Variants in DMXL1 observed in about 807,000 individuals in gnomAD.
The protein encoded by DMXL1 is dmX-like protein 1.
A neutral mutation model predicts 319.2 loss-of-function variants in DMXL1; 99 were observed. The ratio of observed to expected loss-of-function variants is 0.31; its 90% CI spans 0.26 to 0.37. The LOEUF is 0.37. DMXL1 is among the 10% of genes least tolerant of loss of function. The pLI is 1.00. For synonymous variants in DMXL1, 1,385 were observed against 1,235.2 expected (o/e 1.12, Z -2.54); for missense variants, 3,745 against 3,595.6 (o/e 1.04, Z -1.06).
chr5:119,129,240 C>T lies in DMXL1; in HGVS notation c.1132C>T (p.Leu378=), dbSNP rs1242967074. 1.2e-6 allele frequency: 2 copies of T among 1,612,664 alleles called. No homozygotes were observed. The highest frequency in any genetic ancestry group is 1.7e-5 in the Admixed American group (1 of 59,948). ...TCCACTTCTTCCATCTATTACATCTCTGAGTCTAAATGAAAATGAAGAGAA... is the reference window on the plus strand; with the variant it reads ...TCCACTTCTTCCATCTATTACATCTTTGAGTCTAAATGAAAATGAAGAGAA... ...DIPLLPSITS[L]SLNENEEKTG... Residue 378 remains leucine (L), a synonymous_variant, in exon 10 of 44, where the codon CTG becomes TTG. Coordinates refer to ENST00000539542, the MANE Select transcript of DMXL1 (RefSeq NM_001290321.3).
intron 19 of DMXL1, among the ~76,000 whole-genome samples, chr5:119,154,234 T>G (rs1770497300): frequency 6.6e-6 from 1 of 152,170 alleles, no homozygotes; most frequent in Non-Finnish European, 1.5e-5. Context: ...ATCTCTCCCT[T>G]TAAATCAAAA....
At chr5:119,091,234 T>A (rs979289440) in intron 1 of DMXL1, among the ~76,000 whole-genome samples, 1 of 152,054 alleles carries the variant, frequency 6.6e-6, no homozygotes, top group African/African-American at 2.4e-5. Flanking sequence ...TTTGACAGTG[T>A]CTTGCTCTGT....
intron 9 of DMXL1, among the ~76,000 whole-genome samples, chr5:119,127,589 C>G (rs745413932): frequency 6.6e-6 from 1 of 152,142 alleles, no homozygotes; most frequent in South Asian, 2.1e-4. Flanking sequence ...CAGGCACATG[C>G]CACCATGCCT....
chr5:119,173,119 A>C (rs1046531159), intron 25 of DMXL1, among the ~76,000 whole-genome samples: 7 of 152,210 alleles, frequency 4.6e-5, no homozygotes, highest in Admixed American at 2.0e-4. Flanking sequence ...CAGGCAGATC[A>C]CCTGAGGCCA....
In DMXL1 at chr5:119,247,106, G is replaced by T. The variant is rs1194527100; in HGVS notation, c.9034G>T (p.Ala3012Ser). 7 of 1,614,024 alleles carry T rather than the reference G, an allele frequency of 4.3e-6. No individual in the cohort carries two copies. The highest frequency in any genetic ancestry group is 5.9e-6 in the Non-Finnish European group (7 of 1,179,932). The change falls in exon 44 of 44, where the codon GCA (alanine) becomes TCA (serine). Residue 3012 changes from alanine to serine, a missense_variant. Ala to Ser is a moderately conservative substitution (Grantham distance 99, BLOSUM62 1). Coordinates refer to ENST00000539542, the MANE Select transcript of DMXL1 (RefSeq NM_001290321.3). ...TGVMQIETGP[A>S]NHIFSCGADG... Reference sequence around the variant, plus strand: ...AGTGATGCAAATTGAGACAGGGCCTGCAAATCACATTTTCTCCTGTGGAGC... The same window carrying T: ...AGTGATGCAAATTGAGACAGGGCCTTCAAATCACATTTTCTCCTGTGGAGC...
chr5:119,136,616 T>G (rs983022560), intron 13 of DMXL1, among the ~76,000 whole-genome samples: 1 of 152,236 alleles, frequency 6.6e-6, no homozygotes, highest in African/African-American at 2.4e-5. Flanking sequence ...GCCCAGCTGC[T>G]CTGTGCAGCC....
In DMXL1 at chr5:119,208,629, T is replaced by C. The variant is rs574047449; in HGVS notation, c.7926+1733T>C. Among the ~76,000 whole-genome samples, 40 of 152,302 alleles carry C rather than the reference T, an allele frequency of 2.6e-4. 1 individual carries two copies. In the South Asian group the frequency reaches 8.1e-3, roughly 31 times the overall value. ...CATGCTACGTCAAAATACAGTCTTT[T>C]TGAGGGGAGGGTTAACATCATTTTG... On this transcript the variant is annotated intron_variant, in intron 34 of 43. Transcript: ENST00000539542.
Position 119,150,002 on chromosome 5 carries a change from C to T in DMXL1, c.4175C>T (p.Ala1392Val), listed in dbSNP as rs1227833473. 6.2e-7 allele frequency: 1 copy of T among 1,613,872 alleles called. No individual in the cohort carries two copies. The highest frequency in any genetic ancestry group is 8.5e-7 in the Non-Finnish European group (1 of 1,179,894). Residue 1392 changes from alanine (A) to valine (V), a missense_variant, in exon 18 of 44, where the codon GCT (alanine) becomes GTT (valine). Transcript: ENST00000539542. Reference sequence around the variant, plus strand: ...AGAGACCCCCAGGCATTCAACAAGGCTGAAAATACAGATTACACAGAAATA... The same window carrying T: ...AGAGACCCCCAGGCATTCAACAAGGTTGAAAATACAGATTACACAGAAATA... ...TTRDPQAFNKAENTDYTEIDS... is the reference protein window; with the variant it reads ...TTRDPQAFNKVENTDYTEIDS...
chr5:119,149,734 T>A lies in DMXL1; in HGVS notation c.3907T>A (p.Ser1303Thr). 6.2e-7 allele frequency: 1 copy of A among 1,613,998 alleles called. No homozygotes were observed. Among genetic ancestry groups the A allele is most frequent in the Non-Finnish European group, 8.5e-7 (1 of 1,179,930 alleles). Residue 1303 changes from serine (S) to threonine (T), a missense_variant, in exon 18 of 44, where the codon TCA becomes ACA. Physicochemically the swap from Ser to Thr is moderately conservative, Grantham distance 58. Coordinates refer to ENST00000539542, the MANE Select transcript of DMXL1 (RefSeq NM_001290321.3). ...TGGAAAGAAAACTGCATTCGATCCT[T>A]CAGTGGATATGGAAGATTCAGGTCT... ...ICGKKTAFDP[S>T]VDMEDSGLFE...
rs566051440 is a variant in DMXL1, at chr5:119,146,963, C to G, written c.2689+7C>G. ...TCAATTCCTGTCTCATTAGGTGAGT[C>G]TTTTGTGTGTGTGTTTGTGCAACTT... On this transcript the variant is annotated splice_region_variant and intron_variant, in intron 16 of 43. Coordinates refer to ENST00000539542, the MANE Select transcript of DMXL1 (RefSeq NM_001290321.3). The G allele has an allele frequency of 7.5e-6, 12 of 1,610,708 alleles. No individual in the cohort carries two copies. Among genetic ancestry groups the G allele is most frequent in the Middle Eastern group, 3.3e-4 (2 of 6,040 alleles).
At chr5:119,182,596 T>C (rs1231522944) in intron 28 of DMXL1, among the ~76,000 whole-genome samples, 2 of 151,954 alleles carry the variant, frequency 1.3e-5, no homozygotes, top group African/African-American at 4.8e-5. Flanking sequence ...CTTAATGTAT[T>C]CTTGTAGTAA....
chr5:119,114,378 G>C, intron 5 of DMXL1, 97 bp from the exon 6 acceptor site: 1 of 829,118 alleles, frequency 1.2e-6, no homozygotes, highest in South Asian at 1.6e-5. Flanking sequence ...AACATTTTCT[G>C]TCTTTTGAAC....
Position 119,150,019 on chromosome 5 carries a change from A to C in DMXL1, c.4192A>C (p.Thr1398Pro). 6.2e-7 allele frequency: 1 copy of C among 1,613,982 alleles called. No individual in the cohort carries two copies. The highest frequency in any genetic ancestry group is 8.5e-7 in the Non-Finnish European group (1 of 1,179,930). Residue 1398 changes from threonine (T) to proline (P), a missense_variant, in exon 18 of 44, where the codon ACA (threonine) becomes CCA (proline). By Grantham distance (38) the Thr-to-Pro change is conservative. This residue lies in a region of DMXL1 where 2,096 missense variants were observed against 1,985.4 expected (regional missense o/e 1.06). Transcript: ENST00000539542. ...AFNKAENTDY[T>P]EIDSVPPLPL... ...CAACAAGGCTGAAAATACAGATTACACAGAAATAGATTCTGTTCCTCCACT... is the reference window on the plus strand; with the variant it reads ...CAACAAGGCTGAAAATACAGATTACCCAGAAATAGATTCTGTTCCTCCACT...
chr5:119,150,160 G>A lies in DMXL1; in HGVS notation c.4333G>A (p.Glu1445Lys), dbSNP rs762292048. Reference protein sequence around the residue: ...SNQLSKESYDELFQTQLLMTD... With the variant: ...SNQLSKESYDKLFQTQLLMTD... Reference sequence around the variant, plus strand: ...CCAATTATCTAAAGAAAGTTATGATGAGCTTTTTCAGACTCAACTTCTAAT... The same window carrying A: ...CCAATTATCTAAAGAAAGTTATGATAAGCTTTTTCAGACTCAACTTCTAAT... The change falls in exon 18 of 44, where the codon GAG becomes AAG. Residue 1445 changes from glutamate to lysine, a missense_variant. This residue lies in a region of DMXL1 where 2,096 missense variants were observed against 1,985.4 expected (regional missense o/e 1.06). Coordinates refer to ENST00000539542, the MANE Select transcript of DMXL1 (RefSeq NM_001290321.3). The A allele has an allele frequency of 2.5e-6, 4 of 1,613,776 alleles. No homozygotes were observed. The highest frequency in any genetic ancestry group is 3.4e-6 in the Non-Finnish European group (4 of 1,179,884).
intron 28 of DMXL1, among the ~76,000 whole-genome samples, chr5:119,185,844 T>C (rs1345004366): frequency 6.6e-6 from 1 of 152,110 alleles, no homozygotes; most frequent in African/African-American, 2.4e-5. Context: ...CTTTGATGAT[T>C]AAGAAGTACC....
intron 1 of DMXL1, among the ~76,000 whole-genome samples, chr5:119,080,416 C>A (rs966927311): frequency 5.3e-5 from 8 of 152,118 alleles, no homozygotes; most frequent in African/African-American, 1.7e-4. Flanking sequence ...ACCTTCCAAC[C>A]CACACCCCAA....
At position 119,095,415 on chromosome 5, in the gene DMXL1, G is replaced by A. The variant is rs181492888; in HGVS notation, c.88-2564G>A. ...TCTCAACTCTGCAAGTGTAATATTT[G>A]TATTAAGTAGTAATTTGTGTGGGCT... On this transcript the variant is annotated intron_variant, in intron 1 of 43. Coordinates refer to ENST00000539542, the MANE Select transcript of DMXL1 (RefSeq NM_001290321.3). Among the ~76,000 whole-genome samples, 3 of 152,288 alleles carry A rather than the reference G, an allele frequency of 2.0e-5. No homozygotes were observed. The East Asian group carries it at 5.8e-4, about 29-fold the overall frequency.
rs1773715282 is a variant in DMXL1, at chr5:119,167,716, G to A, written c.5250G>A (p.Leu1750=). ...AATCTATTTTACGTAAAAAAGTTTT[G>A]GGAATCGATTCTCCTGTCAGTGAAC... is the stretch of plus-strand genomic sequence containing the variant. ...AYKSILRKKV[L]GIDSPVSELC... The change falls in exon 23 of 44, where the codon TTG becomes TTA. Residue 1750 remains leucine (L), a synonymous_variant. Coordinates refer to ENST00000539542, the MANE Select transcript of DMXL1 (RefSeq NM_001290321.3). 2 of 1,613,332 alleles carry A rather than the reference G, an allele frequency of 1.2e-6. No homozygotes were observed.
intron 38 of DMXL1, among the ~76,000 whole-genome samples, chr5:119,228,050 A>G (rs1473862442): frequency 6.6e-6 from 1 of 152,250 alleles, no homozygotes; most frequent in Non-Finnish European, 1.5e-5. Context: ...TTTCAAAACC[A>G]TAATTATTAA....
Sources: gnomAD v4.1 joint callset for allele counts (sites outside exome capture counted in the v4.1 genomes callset) on GRCh38, gnomAD v4.1.1 for gene constraint, gnomAD v4.1.1 regional missense constraint, MANE v1.5 for transcripts, NCBI Gene and HGNC (gene_info 2026-07-23, HGNC 2026-07-21) for gene names.